The following NDST3 variants were observed in gnomAD, a reference collection of about 807,000 sequenced individuals.
NDST3 encodes N-deacetylase and N-sulfotransferase 3.
A neutral mutation model predicts 96.1 loss-of-function variants in NDST3; 58 were observed. The observed-to-expected ratio is 0.60, with a 90% CI of 0.49 to 0.75. NDST3 has a LOEUF of 0.75. NDST3 is among the 30% of genes least tolerant of loss of function. The pLI is 0.00. For missense variants in NDST3, 788 were observed against 1,034.2 expected, an observed-to-expected ratio of 0.76 and a Z score of 3.27; for synonymous variants, 333 against 359.7, an observed-to-expected ratio of 0.93 and a Z score of 0.84.
At chr4:118,179,991 A>G (rs1490733242) in intron 6 of NDST3, among the ~76,000 whole-genome samples, 1 of 152,114 alleles carries the variant, frequency 6.6e-6, no homozygotes, top group African/African-American at 2.4e-5. Context: ...TCTATTTCCT[A>G]CCTTACGCCT....
chr4:118,203,680 C>A (rs927857870), intron 6 of NDST3, among the ~76,000 whole-genome samples: 1 of 152,136 alleles, frequency 6.6e-6, no homozygotes, highest in Non-Finnish European at 1.5e-5. Context: ...TTTTAAATTA[C>A]CTTTAGTAAG....
intron 6 of NDST3, among the ~76,000 whole-genome samples, chr4:118,221,633 T>C (rs1437562380): frequency 1.3e-5 from 2 of 152,080 alleles, no homozygotes; most frequent in African/African-American, 2.4e-5. Flanking sequence ...TAGTTACACT[T>C]TGACAAACAG....
chr4:118,050,415 A>G (rs1025168292), intron 1 of NDST3, among the ~76,000 whole-genome samples: 2 of 152,074 alleles, frequency 1.3e-5, no homozygotes, highest in Non-Finnish European at 2.9e-5. Context: ...TCCAAATAGA[A>G]AAAGAAGTCA....
chr4:118,043,903 G>A (rs1724606875), intron 1 of NDST3, among the ~76,000 whole-genome samples: 1 of 152,212 alleles, frequency 6.6e-6, no homozygotes, highest in Non-Finnish European at 1.5e-5. Flanking sequence ...CAATTCCTCA[G>A]GGACGTGCAC....
intron 2 of NDST3, among the ~76,000 whole-genome samples, chr4:118,075,720 C>T (rs1727470576): frequency 1.4e-5 from 2 of 147,480 alleles, no homozygotes; most frequent in South Asian, 2.3e-4. Flanking sequence ...CTGTTCATGT[C>T]CTTTGCCCAC....
At chr4:118,156,722 A>G (rs1734736619) in intron 6 of NDST3, among the ~76,000 whole-genome samples, 1 of 152,194 alleles carries the variant, frequency 6.6e-6, no homozygotes, top group South Asian at 2.1e-4. Flanking sequence ...AATAAGAAAA[A>G]TGCAAAGTAA....
At chr4:118,071,116 G>A (rs560052099) in intron 2 of NDST3, among the ~76,000 whole-genome samples, 1 of 152,058 alleles carries the variant, frequency 6.6e-6, no homozygotes, top group South Asian at 2.1e-4. Flanking sequence ...TCTTAATCCA[G>A]TCTATCATTG....
intron 3 of NDST3, among the ~76,000 whole-genome samples, chr4:118,105,394 G>A (rs1449677264): frequency 6.6e-6 from 1 of 152,142 alleles, no homozygotes; most frequent in East Asian, 1.9e-4. Context: ...GTACACAGCT[G>A]TGTAAAGAAC....
chr4:118,105,774 G>A (rs1317495453), intron 3 of NDST3, among the ~76,000 whole-genome samples: 3 of 151,996 alleles, frequency 2.0e-5, no homozygotes, highest in South Asian at 2.1e-4. Flanking sequence ...TTCCTGTTAC[G>A]AACATTTTTA....
At chr4:118,151,188 G>A (rs1157389130) in intron 6 of NDST3, among the ~76,000 whole-genome samples, 2 of 152,112 alleles carry the variant, frequency 1.3e-5, no homozygotes, top group Admixed American at 6.6e-5. Context: ...ACTGAACAAT[G>A]AGAACACATG....
chr4:118,231,484 T>C (rs1448245231), intron 8 of NDST3, among the ~76,000 whole-genome samples: 1 of 151,142 alleles, frequency 6.6e-6, no homozygotes, highest in Non-Finnish European at 1.5e-5. Flanking sequence ...ATTAATACCA[T>C]TTAAGTAAAT....
At chr4:118,092,288 C>T (rs1006422380) in intron 2 of NDST3, among the ~76,000 whole-genome samples, 33 of 151,270 alleles carry the variant, frequency 2.2e-4, no homozygotes, top group Non-Finnish European at 1.3e-4. Context: ...GGAAAAGTTA[C>T]TCAGTGTCCT....
intron 12 of NDST3, among the ~76,000 whole-genome samples, chr4:118,249,819 CCATTGTAATTGTGCAGTTCAATGAATA>C (rs1741557410): frequency 6.6e-6 from 1 of 151,446 alleles, no homozygotes; most frequent in African/African-American, 2.4e-5. Context: ...ATATAATCAC[CCATTGTAATTGTGCAGTTCAATGAATA>C]CAAATATATA....
At chr4:118,234,198 A>T (rs1578852832) in intron 9 of NDST3, among the ~76,000 whole-genome samples, 1 of 152,016 alleles carries the variant, frequency 6.6e-6, no homozygotes, top group South Asian at 2.1e-4. Flanking sequence ...GATCACATGA[A>T]GTCAGGAGTT....
intron 6 of NDST3, 129 bp downstream of exon 6, chr4:118,143,813 T>C: frequency 2.1e-6 from 2 of 964,494 alleles, no homozygotes; most frequent in Non-Finnish European, 2.9e-6. Context: ...GAAACAGTAG[T>C]AAAAACTAAA....
At chr4:118,235,319 G>T (rs1740569164) in intron 9 of NDST3, among the ~76,000 whole-genome samples, 1 of 152,056 alleles carries the variant, frequency 6.6e-6, no homozygotes, top group Non-Finnish European at 1.5e-5. Flanking sequence ...CTAAAAATAT[G>T]AACCTTTTAT....
intron 6 of NDST3, among the ~76,000 whole-genome samples, chr4:118,176,490 T>C (rs186809130): frequency 6.6e-6 from 1 of 152,244 alleles, no homozygotes; most frequent in African/African-American, 2.4e-5. Flanking sequence ...CTTCTCAACC[T>C]GGGAGAATTA....
chr4:118,162,250 C>T (rs1735210445), intron 6 of NDST3, among the ~76,000 whole-genome samples: 3 of 152,132 alleles, frequency 2.0e-5, no homozygotes, highest in Non-Finnish European at 4.4e-5. Flanking sequence ...GAAAAAACTA[C>T]TTTAAAGTTC....
chr4:118,221,431 C>T (rs1314571215), intron 6 of NDST3, among the ~76,000 whole-genome samples: 2 of 151,950 alleles, frequency 1.3e-5, no homozygotes, highest in African/African-American at 4.8e-5. Flanking sequence ...TTCACATCCA[C>T]ATTTCCTCTC....
Sources: gnomAD v4.1 joint callset for allele counts (sites outside exome capture counted in the v4.1 genomes callset) on GRCh38, gnomAD v4.1.1 for gene constraint, MANE v1.5 for transcripts, NCBI Gene and HGNC (gene_info 2026-07-23, HGNC 2026-07-21) for gene names.